PDSS2: variants seen among roughly 807,000 people sequenced by gnomAD.
PDSS2 encodes all trans-polyprenyl-diphosphate synthase PDSS2.
In PDSS2, 31 loss-of-function variants were observed where a neutral mutation model predicts 44.5. That is an observed-to-expected ratio of 0.70 (90% confidence interval 0.52 to 0.94). The LOEUF (loss-of-function observed/expected upper bound fraction) is 0.94, where lower values mean the gene tolerates loss of function less well. Among genes scored for constraint, PDSS2 ranks in the 40% least tolerant of loss-of-function variants. The pLI is 0.00. For missense variants in PDSS2, 452 were observed against 482.2 expected, an observed-to-expected ratio of 0.94 and a Z score of 0.59; for synonymous variants, 157 against 180.3, an observed-to-expected ratio of 0.87 and a Z score of 1.03.
intron 2 of PDSS2, among the ~76,000 whole-genome samples, chr6:107,277,393 GA>G (rs1396356945): frequency 6.6e-6 from 1 of 152,194 alleles, no homozygotes; most frequent in Non-Finnish European, 1.5e-5. Context: ...GGACTGTGTG[GA>G]TAAGTGAGAG....
intron 1 of PDSS2, among the ~76,000 whole-genome samples, chr6:107,382,214 C>T (rs979057757): frequency 1.2e-4 from 19 of 152,198 alleles, no homozygotes; most frequent in Admixed American, 2.0e-4. Flanking sequence ...ATGTCAGGTG[C>T]GGGAGGTAAA....
In PDSS2 at chr6:107,364,028, G is replaced by A. The variant is rs1443785906; in HGVS notation, c.297-29696C>T. Among the ~76,000 whole-genome samples, 6 of 152,304 alleles carry A rather than the reference G, an allele frequency of 3.9e-5. No homozygotes were observed. The South Asian group carries it at 8.3e-4, about 21-fold the overall frequency. ...TGAGCTAGACATAAAGGTTCTCCAC[G>A]TCCTCACCAGAGCAGCTAGATACAG... On this transcript the variant is annotated intron_variant, in intron 1 of 7. Transcript: ENST00000369037.
chr6:107,284,031 A>C (rs1368911506), intron 2 of PDSS2, among the ~76,000 whole-genome samples: 1 of 151,366 alleles, frequency 6.6e-6, no homozygotes, highest in East Asian at 1.9e-4. Flanking sequence ...TGTTTCAAAA[A>C]TAATAATAAT....
In PDSS2 at chr6:107,335,340, A is replaced by T. The variant is rs532570303; in HGVS notation, c.297-1008T>A. Among the ~76,000 whole-genome samples the T allele has an allele frequency of 2.2e-4, 34 of 152,322 alleles. 1 individual carries two copies. In the South Asian group the frequency reaches 7.0e-3, roughly 32 times the overall value. Reference sequence around the variant, plus strand: ...TTTGTGACAGTTGAAAGAAACTGACATATAAATCACATTGCTTGGATGAAG... The same window carrying T: ...TTTGTGACAGTTGAAAGAAACTGACTTATAAATCACATTGCTTGGATGAAG... On this transcript the variant is annotated intron_variant, in intron 1 of 7. Transcript: ENST00000369037.
chr6:107,249,917 T>G (rs934559606), intron 3 of PDSS2, among the ~76,000 whole-genome samples: 2 of 152,206 alleles, frequency 1.3e-5, no homozygotes, highest in Non-Finnish European at 2.9e-5. Flanking sequence ...ATTATAGATC[T>G]GACATAATTA....
intron 2 of PDSS2, among the ~76,000 whole-genome samples, chr6:107,328,208 G>A (rs1777608270): frequency 6.6e-6 from 1 of 152,168 alleles, no homozygotes; most frequent in Admixed American, 6.5e-5. Context: ...ACTGTTCTAA[G>A]GGTTCTCGAT....
chr6:107,336,021 GGGGGT>G (rs1777878771), intron 1 of PDSS2, among the ~76,000 whole-genome samples: 4 of 131,294 alleles, frequency 3.0e-5, no homozygotes, highest in Non-Finnish European at 3.3e-5. Context: ...GGGGGGGGTG[GGGGGT>G]GGGGCATCAC....
In PDSS2 at chr6:107,288,627, C is replaced by G. The variant is rs115965700; in HGVS notation, c.432-14400G>C. On this transcript the variant is annotated intron_variant, in intron 2 of 7. Coordinates refer to ENST00000369037, the MANE Select transcript of PDSS2 (RefSeq NM_020381.4). Reference sequence around the variant, plus strand: ...AGCCCATCTAATACAGACAGGAGCACAGATGAGATTGGACTTGTGACTGAA... The same window carrying G: ...AGCCCATCTAATACAGACAGGAGCAGAGATGAGATTGGACTTGTGACTGAA... 2.6e-3 allele frequency among the ~76,000 whole-genome samples: 394 copies of G among 151,794 alleles called. 3 individuals are homozygous for G. Among genetic ancestry groups the G allele is most frequent in the African/African-American group, 9.2e-3 (379 of 41,370 alleles).
At chr6:107,372,600 C>T (rs1779160586) in intron 1 of PDSS2, among the ~76,000 whole-genome samples, 1 of 151,546 alleles carries the variant, frequency 6.6e-6, no homozygotes, top group South Asian at 2.1e-4. Flanking sequence ...TACAGGCGCC[C>T]GCCACCACGC....
At chr6:107,424,272 C>T (rs949612897) in intron 1 of PDSS2, among the ~76,000 whole-genome samples, 26 of 152,152 alleles carry the variant, frequency 1.7e-4, no homozygotes, top group Admixed American at 4.6e-4. Flanking sequence ...TGGTATCAAA[C>T]TCCTGGGCTC....
intron 6 of PDSS2, among the ~76,000 whole-genome samples, chr6:107,195,561 AT>A (rs777004545): frequency 0.22 from 27,405 of 124,194 alleles, 2,853 homozygotes; most frequent in East Asian, 0.45. Context: ...AGATGACTCC[AT>A]TTTTTTTTTT....
chr6:107,261,305 T>C (rs1056385904), intron 3 of PDSS2, among the ~76,000 whole-genome samples: 1 of 152,210 alleles, frequency 6.6e-6, no homozygotes, highest in African/African-American at 2.4e-5. Context: ...GGCAGATCCC[T>C]TATGGCTTGG....
rs141394913 is a variant in PDSS2, at chr6:107,368,907, C to G, written c.297-34575G>C. Among the ~76,000 whole-genome samples the G allele has an allele frequency of 4.0e-4, 61 of 152,328 alleles. No homozygotes were observed. The East Asian group carries it at 8.7e-3, about 22-fold the overall frequency. ...GAACAAAATTAGAGGACTTGTACTACTACCTGAACTTACGATAAAGCTACA... is the reference window on the plus strand; with the variant it reads ...GAACAAAATTAGAGGACTTGTACTAGTACCTGAACTTACGATAAAGCTACA... On this transcript the variant is annotated intron_variant, in intron 1 of 7. Transcript: ENST00000369037.
At chr6:107,404,649 T>A (rs1054597134) in intron 1 of PDSS2, among the ~76,000 whole-genome samples, 2 of 152,152 alleles carry the variant, frequency 1.3e-5, no homozygotes, top group Non-Finnish European at 2.9e-5. Flanking sequence ...AACCATCAGA[T>A]CTTGTGAGAA....
At position 107,154,074 on chromosome 6, in the gene PDSS2, T is replaced by TA. The variant is rs35619837; in HGVS notation, c.*544dup. 34,338 of 152,770 alleles carry TA rather than the reference T, an allele frequency of 0.22. 4,695 individuals are homozygous for TA. Among genetic ancestry groups the TA allele is most frequent in the Non-Finnish European group, 0.3 (20,763 of 69,382 alleles). 9.5% of individuals were successfully genotyped at this position (152,770 alleles called of 1,614,324 possible). On this transcript the variant is annotated 3_prime_UTR_variant, in exon 8 of 8. Coordinates refer to ENST00000369037, the MANE Select transcript of PDSS2 (RefSeq NM_020381.4). The stretch of plus-strand genomic sequence containing the variant: ...TGGGCAACAAGAGCAAAACTACATC[T>TA]AAAAAAAAAATAATAATAATCCAGA...
intron 7 of PDSS2, among the ~76,000 whole-genome samples, chr6:107,158,796 T>A (rs529421361): frequency 1.3e-5 from 2 of 151,926 alleles, no homozygotes; most frequent in South Asian, 4.2e-4. Context: ...TGGTGCAACC[T>A]CGACTCACTG....
chr6:107,248,545 A>G (rs1582844012), intron 3 of PDSS2, among the ~76,000 whole-genome samples: 1 of 150,238 alleles, frequency 6.7e-6, no homozygotes, highest in African/African-American at 2.5e-5. Flanking sequence ...AAAGCAGAAT[A>G]CTAGCAGCCA....
intron 7 of PDSS2, among the ~76,000 whole-genome samples, chr6:107,162,850 C>T (rs1479454674): frequency 6.6e-6 from 1 of 152,140 alleles, no homozygotes; most frequent in East Asian, 1.9e-4. Flanking sequence ...ACAGATCCAT[C>T]TGCCTTGGCC....
At chr6:107,274,269 C>A in intron 2 of PDSS2, 42 bp from the exon 3 acceptor site, 1 of 1,413,808 alleles carries the variant, frequency 7.1e-7, no homozygotes, top group Non-Finnish European at 1.0e-6. Flanking sequence ...TCAAGAACAC[C>A]ATTTTATCAC....
Sources: gnomAD v4.1 joint callset for allele counts (sites outside exome capture counted in the v4.1 genomes callset) on GRCh38, gnomAD v4.1.1 for gene constraint, MANE v1.5 for transcripts, NCBI Gene and HGNC (gene_info 2026-07-23, HGNC 2026-07-21) for gene names.